PCDHA6: variants seen among roughly 807,000 people sequenced by gnomAD.
The protein encoded by PCDHA6 is protocadherin alpha 6.
PCDHA6 carries 55 observed loss-of-function variants against 60.3 expected under a neutral mutation model. The observed-to-expected ratio is 0.91, with a 90% CI of 0.73 to 1.14. The LOEUF is 1.14. Among genes scored for constraint, PCDHA6 ranks in the 50% most tolerant of loss-of-function variants. The probability of loss-of-function intolerance (pLI) is 0.00; values close to 1 mark genes in which losing one functional copy is unlikely to be tolerated. For synonymous variants in PCDHA6, 652 were observed against 557.9 expected, an observed-to-expected ratio of 1.17 and a Z score of -2.38; for missense variants, 1,327 against 1,256.5, an observed-to-expected ratio of 1.06 and a Z score of -0.85.
At chr5:140,856,729 G>A (rs1554149028) in intron 1 of PCDHA6, 1 of 1,595,444 alleles carries the variant, frequency 6.3e-7, no homozygotes, top group African/African-American at 1.3e-5. Flanking sequence ...CTGTTTCTCT[G>A]CTGATCCTGG....
chr5:140,862,674 C>A (rs782474067), intron 1 of PCDHA6: 5 of 549,972 alleles, frequency 9.1e-6, no homozygotes, highest in Non-Finnish European at 1.5e-5. Context: ...CGCAGGAGAA[C>A]GTGCTGGTGT....
At position 140,836,280 on chromosome 5, in the gene PCDHA6, A is replaced by G. The variant is rs1774331146; in HGVS notation, c.2394+5795A>G. 6.2e-7 allele frequency: 1 copy of G among 1,613,762 alleles called. No homozygotes were observed. Among genetic ancestry groups the G allele is most frequent in the African/African-American group, 1.3e-5 (1 of 74,966 alleles). On this transcript the variant is annotated intron_variant, in intron 1 of 3. Coordinates refer to ENST00000529310, the MANE Select transcript of PCDHA6 (RefSeq NM_018909.4). ...GGGGCTGTACACTGGTGAGATCAGCACGACACGAGCCCTAGATGAGACGGA... is the reference window on the plus strand; with the variant it reads ...GGGGCTGTACACTGGTGAGATCAGCGCGACACGAGCCCTAGATGAGACGGA...
rs1449427900 is a variant in PCDHA6 at position 140,829,672 on chromosome 5, G to A, written c.1581G>A (p.Glu527=). ...CGCTGCAGCCGCTGGACCACGAGGAGCTAGAGCTGCTGCAGTTTCAGGTGA... is the reference window on the plus strand; with the variant it reads ...CGCTGCAGCCGCTGGACCACGAGGAACTAGAGCTGCTGCAGTTTCAGGTGA... ...VYALQPLDHE[E]LELLQFQVSA... is the part of the protein sequence containing the mutation. Residue 527 remains glutamate, a synonymous_variant, in exon 1 of 4, where the codon GAG becomes GAA. Coordinates refer to ENST00000529310, the MANE Select transcript of PCDHA6 (RefSeq NM_018909.4). 3.1e-6 allele frequency: 5 copies of A among 1,612,994 alleles called. No individual in the cohort carries two copies. The highest frequency in any genetic ancestry group is 2.2e-5 in the South Asian group (2 of 91,046).
chr5:140,935,157 A>G (rs982054485), intron 1 of PCDHA6, among the ~76,000 whole-genome samples: 1 of 152,214 alleles, frequency 6.6e-6, no homozygotes, highest in Non-Finnish European at 1.5e-5. Context: ...TATAATCTCA[A>G]CAACAGGTGT....
At chr5:140,883,913 G>T (rs782585121) in intron 1 of PCDHA6, 1 of 1,613,478 alleles carries the variant, frequency 6.2e-7, no homozygotes, top group South Asian at 1.1e-5. Context: ...GGGCAGCAAC[G>T]TGACGCTGCA....
intron 1 of PCDHA6, chr5:140,884,328 T>C: frequency 1.2e-6 from 2 of 1,613,822 alleles, no homozygotes; most frequent in Non-Finnish European, 1.7e-6. Flanking sequence ...GCAGGCGCTG[T>C]GGGTCCAGAA....
intron 1 of PCDHA6, chr5:140,883,793 T>C (rs782783912): frequency 6.2e-7 from 1 of 1,612,328 alleles, no homozygotes; most frequent in South Asian, 1.1e-5. Flanking sequence ...GAGCTACGTG[T>C]CGGTGCACGC....
At chr5:140,992,605 A>C (rs2097521923) in intron 3 of PCDHA6, among the ~76,000 whole-genome samples, 1 of 152,166 alleles carries the variant, frequency 6.6e-6, no homozygotes, top group South Asian at 2.1e-4. Flanking sequence ...TCTGTGTCTA[A>C]GTGAAAGCAG....
chr5:141,010,296 G>C lies in PCDHA6; in HGVS notation c.*359G>C. On this transcript the variant is annotated 3_prime_UTR_variant, in exon 4 of 4. Transcript: ENST00000529310. ...CTGTCTTGATGACACTTGCAGGGCA[G>C]GCTGAAAAGTTTTGAGATTGAGCAG... The C allele has an allele frequency of 1.3e-6, 2 of 1,549,428 alleles. No individual in the cohort carries two copies. The highest frequency in any genetic ancestry group is 1.7e-6 in the Non-Finnish European group (2 of 1,146,352).
At chr5:140,900,422 C>G (rs1422913254) in intron 1 of PCDHA6, among the ~76,000 whole-genome samples, 1 of 152,142 alleles carries the variant, frequency 6.6e-6, no homozygotes, top group East Asian at 1.9e-4. Context: ...GGATTATAGG[C>G]ACGTGCCACC....
chr5:140,850,503 G>C (rs2041643123), intron 1 of PCDHA6: 1 of 1,598,290 alleles, frequency 6.3e-7, no homozygotes, highest in Non-Finnish European at 8.6e-7. Flanking sequence ...GGTGTCGCTG[G>C]TGGAGAGCGG....
At chr5:140,909,582 T>G (rs1407869706) in intron 1 of PCDHA6, among the ~76,000 whole-genome samples, 1 of 152,298 alleles carries the variant, frequency 6.6e-6, no homozygotes, top group Non-Finnish European at 1.5e-5. Flanking sequence ...TGTGATATGT[T>G]TTTTGATTTA....
intron 1 of PCDHA6, among the ~76,000 whole-genome samples, chr5:140,892,469 A>G (rs557049666): frequency 1.3e-5 from 2 of 152,302 alleles, no homozygotes; most frequent in South Asian, 4.1e-4. Context: ...ACGGTTATTC[A>G]GTTTCCTAGC....
chr5:140,939,501 G>A (rs1270789150), intron 1 of PCDHA6, among the ~76,000 whole-genome samples: 1 of 150,708 alleles, frequency 6.6e-6, no homozygotes. Context: ...TAAATTCAAT[G>A]TCTATAACAT....
intron 1 of PCDHA6, among the ~76,000 whole-genome samples, chr5:140,840,700 CA>C (rs1776825723): frequency 6.6e-6 from 1 of 151,868 alleles, no homozygotes; most frequent in African/African-American, 2.4e-5. Context: ...ACGGTTCAGG[CA>C]ATTTGACATT....
intron 1 of PCDHA6, among the ~76,000 whole-genome samples, chr5:140,885,868 A>G (rs1347875524): frequency 6.6e-6 from 1 of 152,202 alleles, no homozygotes; most frequent in Admixed American, 6.5e-5. Context: ...TCTATTGAAA[A>G]AAAATTTTTA....
rs1044322759 is a variant in PCDHA6 at position 140,877,540 on chromosome 5, G to C, written c.2394+47055G>C. 35 of 1,613,652 alleles carry C rather than the reference G, an allele frequency of 2.2e-5. No individual in the cohort carries two copies. Among genetic ancestry groups the C allele is most frequent in the Non-Finnish European group, 2.7e-5 (32 of 1,179,908 alleles). On this transcript the variant is annotated intron_variant, in intron 1 of 3. Coordinates refer to ENST00000529310, the MANE Select transcript of PCDHA6 (RefSeq NM_018909.4). ...GGCCTCAGTGGGCGCTGTGGATCCCGAAGCGGCTCTGGTGGATATTAACGT... is the reference window on the plus strand; with the variant it reads ...GGCCTCAGTGGGCGCTGTGGATCCCCAAGCGGCTCTGGTGGATATTAACGT...
intron 1 of PCDHA6, among the ~76,000 whole-genome samples, chr5:140,846,706 T>C (rs1780634122): frequency 6.7e-6 from 1 of 149,360 alleles, no homozygotes. Context: ...GAGAAGATTG[T>C]AATAACCAGT....
intron 1 of PCDHA6, chr5:140,847,826 A>T (rs914616937): frequency 6.7e-6 from 1 of 149,784 alleles, no homozygotes; most frequent in Non-Finnish European, 1.5e-5. Flanking sequence ...TACTCAAGAA[A>T]ACTACCTCAG....
Sources: allele counts gnomAD v4.1 joint callset (sites outside exome capture counted in the v4.1 genomes callset), GRCh38; gene constraint gnomAD v4.1.1; transcripts MANE v1.5; gene names NCBI Gene and HGNC (gene_info 2026-07-23, HGNC 2026-07-21).